The following ST3GAL4 variants were observed in gnomAD, a reference collection of about 807,000 sequenced individuals.
ST3GAL4 encodes the protein ST3 beta-galactoside alpha-2,3-sialyltransferase 4.
Under a neutral mutation model 42.6 loss-of-function variants are expected in ST3GAL4, and 24 were observed. The ratio of observed to expected loss-of-function variants is 0.56; its 90% CI spans 0.41 to 0.79. The LOEUF (loss-of-function observed/expected upper bound fraction) is 0.79. Ranked by LOEUF, ST3GAL4 falls within the 30% of genes least tolerant of loss-of-function variation. The probability of loss-of-function intolerance (pLI) is 0.00; values close to 1 mark genes in which losing one functional copy is unlikely to be tolerated. For missense variants in ST3GAL4, 311 were observed against 430.8 expected, an observed-to-expected ratio of 0.72 and a Z score of 2.46; for synonymous variants, 135 against 163.2, an observed-to-expected ratio of 0.83 and a Z score of 1.32.
rs1226449302 is a variant in ST3GAL4, at chr11:126,376,226, G to A, written c.-61+20384G>A. ...AGTTTCAGAGGTCCCAGGATAGTGG[G>A]CAATATTTGAAAGCCAGTAAATATA... On this transcript the variant is annotated intron_variant, in intron 1 of 10. Coordinates refer to ENST00000444328, the MANE Select transcript of ST3GAL4 (RefSeq NM_001254757.2). This position sits in a 1 kb window ranked among gnomAD's most constrained non-coding sequence, Gnocchi z 5.1. 3.3e-5 allele frequency among the ~76,000 whole-genome samples: 5 copies of A among 152,206 alleles called. No homozygotes were observed. The South Asian group carries it at 6.2e-4, about 19-fold the overall frequency.
Position 126,355,937 on chromosome 11 carries a change from C to T in ST3GAL4, c.-61+95C>T, listed in dbSNP as rs576523276. On this transcript the variant is annotated intron_variant, in intron 1 of 10. Coordinates refer to ENST00000444328, the MANE Select transcript of ST3GAL4 (RefSeq NM_001254757.2). The surrounding 1 kb of genome is among the most constrained non-coding windows in gnomAD (Gnocchi z 7.1). ...CCGCCTGACCCCAGCCGGCGCCGCG[C>T]CTCCCGGAGGGGGTCGGGCCCTGCA... 155 of 150,972 alleles carry T rather than the reference C, an allele frequency of 1.0e-3. No homozygotes were observed. The highest frequency in any genetic ancestry group is 3.7e-3 in the African/African-American group (152 of 41,442). 9.4% of individuals were successfully genotyped at this position (150,972 alleles called of 1,614,324 possible).
chr11:126,408,084 C>T lies in ST3GAL4; in HGVS notation c.342-15C>T, dbSNP rs1178809418. On this transcript the variant is annotated splice_polypyrimidine_tract_variant and intron_variant, in intron 6 of 10. Coordinates refer to ENST00000444328, the MANE Select transcript of ST3GAL4 (RefSeq NM_001254757.2). Reference sequence around the variant, plus strand: ...GAGTGTGGGGTGACATAGACCACTCCTCTTTCTATGGCAGCCTCAGGTGCC... The same window carrying T: ...GAGTGTGGGGTGACATAGACCACTCTTCTTTCTATGGCAGCCTCAGGTGCC... 2 of 1,613,006 alleles carry T rather than the reference C, an allele frequency of 1.2e-6. No individual in the cohort carries two copies. The highest frequency in any genetic ancestry group is 2.2e-5 in the South Asian group (2 of 90,966).
At chr11:126,413,024 C>A (rs1456178955) in intron 9 of ST3GAL4, among the ~76,000 whole-genome samples, 1 of 152,180 alleles carries the variant, frequency 6.6e-6, no homozygotes, top group Non-Finnish European at 1.5e-5. Context: ...CCCCAGGCCT[C>A]CCCCAGATGT....
chr11:126,406,364 T>G lies in ST3GAL4; in HGVS notation c.17-109T>G. On this transcript the variant is annotated intron_variant, in intron 2 of 10. Coordinates refer to ENST00000444328, the MANE Select transcript of ST3GAL4 (RefSeq NM_001254757.2). The surrounding 1 kb of genome is among the most constrained non-coding windows in gnomAD (Gnocchi z 5.4). ...GGCCAGGAGAGGGCCAGAGACTGCT[T>G]CTGTTGAGTTAGGGGTCGGAGGGAC... The G allele has an allele frequency of 6.3e-7, 1 of 1,578,316 alleles. No individual in the cohort carries two copies. The highest frequency in any genetic ancestry group is 8.6e-7 in the Non-Finnish European group (1 of 1,162,102).
rs1039118489 is a variant in ST3GAL4, at chr11:126,396,547, C to T, written c.-60-9549C>T. On this transcript the variant is annotated intron_variant, in intron 1 of 10. Coordinates refer to ENST00000444328, the MANE Select transcript of ST3GAL4 (RefSeq NM_001254757.2). This position sits in a 1 kb window ranked among gnomAD's most constrained non-coding sequence, Gnocchi z 5.8. ...TGGGGGCTAGAGACTGTGTCTCGTG[C>T]GGAAGCGTGGCTGAGAAGGGGCTCG... Among the ~76,000 whole-genome samples, 4 of 151,960 alleles carry T rather than the reference C, an allele frequency of 2.6e-5. No individual in the cohort carries two copies. The highest frequency in any genetic ancestry group is 2.1e-4 in the South Asian group (1 of 4,824).
In ST3GAL4 at chr11:126,409,153, C is replaced by T; in HGVS notation, c.628-115C>T. ...CTCCCTTTCCTCTCACCTTGTGCTC[C>T]TGAAGGCCTCTGCCATCGCTTGGAC... On this transcript the variant is annotated intron_variant, in intron 8 of 10. Transcript: ENST00000444328. This position sits in a 1 kb window ranked among gnomAD's most constrained non-coding sequence, Gnocchi z 4.9. The T allele has an allele frequency of 7.5e-7, 1 of 1,332,312 alleles. No individual in the cohort carries two copies. Among genetic ancestry groups the T allele is most frequent in the Non-Finnish European group, 1.1e-6 (1 of 951,964 alleles). The allele number at this position is 1,332,312 out of a possible 1,614,324, so 82.5% of individuals were successfully genotyped here.
At chr11:126,408,044 A>T in intron 6 of ST3GAL4, 55 bp from the exon 7 acceptor site, 1 of 1,578,160 alleles carries the variant, frequency 6.3e-7, no homozygotes, top group Non-Finnish European at 8.6e-7. Flanking sequence ...GATCCAGGGC[A>T]GCGAGCCTGG....
chr11:126,404,811 C>T (rs1383564906), intron 1 of ST3GAL4, among the ~76,000 whole-genome samples: 1 of 152,244 alleles, frequency 6.6e-6, no homozygotes, highest in Non-Finnish European at 1.5e-5. Flanking sequence ...TCTGATCCTT[C>T]AGTGTTTGTG....
chr11:126,371,114 T>C (rs1952622765), intron 1 of ST3GAL4, among the ~76,000 whole-genome samples: 1 of 149,876 alleles, frequency 6.7e-6, no homozygotes, highest in Admixed American at 6.7e-5. Flanking sequence ...ATTACAAGTA[T>C]AGAACTAAAG....
intron 1 of ST3GAL4, among the ~76,000 whole-genome samples, chr11:126,399,910 C>T (rs780318404): frequency 1.3e-5 from 2 of 152,142 alleles, no homozygotes; most frequent in African/African-American, 2.4e-5. Context: ...ATTTCTACCA[C>T]CATTCTGATC....
chr11:126,357,325 A>G (rs1591403042), intron 1 of ST3GAL4, among the ~76,000 whole-genome samples: 1 of 152,214 alleles, frequency 6.6e-6, no homozygotes, highest in East Asian at 1.9e-4. Flanking sequence ...CAGATCCCCC[A>G]GACTCCAAGA....
intron 1 of ST3GAL4, among the ~76,000 whole-genome samples, chr11:126,361,290 C>T (rs901222152): frequency 3.9e-5 from 6 of 152,028 alleles, no homozygotes; most frequent in African/African-American, 1.4e-4. Context: ...AACAGCTCCA[C>T]TTTTATTCCT....
Position 126,383,335 on chromosome 11 carries a change from G to C in ST3GAL4, c.-60-22761G>C. Among the ~76,000 whole-genome samples, 1 of 152,216 alleles carries C rather than the reference G, an allele frequency of 6.6e-6. No homozygotes were observed. Among genetic ancestry groups the C allele is most frequent in the East Asian group, 1.9e-4 (1 of 5,192 alleles). On this transcript the variant is annotated intron_variant, in intron 1 of 10. Coordinates refer to ENST00000444328, the MANE Select transcript of ST3GAL4 (RefSeq NM_001254757.2). The surrounding 1 kb of genome is among the most constrained non-coding windows in gnomAD (Gnocchi z 4.5). The stretch of plus-strand genomic sequence containing the variant: ...CCCTGCCCCTTAGAGGCTCTGGGCT[G>C]CCTGGTGACAGCTTCGGGGACCTGC...
chr11:126,412,589 C>T (rs143967883), intron 9 of ST3GAL4, among the ~76,000 whole-genome samples: 2 of 152,198 alleles, frequency 1.3e-5, no homozygotes. Flanking sequence ...CGCCTGTAAT[C>T]CCAGCGCTTT....
In ST3GAL4 at chr11:126,414,090, C is replaced by G; in HGVS notation, c.*43C>G. The G allele has an allele frequency of 6.3e-7, 1 of 1,599,356 alleles. No homozygotes were observed. The highest frequency in any genetic ancestry group is 1.1e-5 in the South Asian group (1 of 90,744). On this transcript the variant is annotated 3_prime_UTR_variant, in exon 11 of 11. Transcript: ENST00000444328. ...GCCTGTCGGTTGCCTACTCTGCTGT[C>G]TGGGTGACCCCCATGCGTGGCTGTG...
chr11:126,381,753 G>T (rs1953013393), intron 1 of ST3GAL4, among the ~76,000 whole-genome samples: 1 of 151,866 alleles, frequency 6.6e-6, no homozygotes, highest in South Asian at 2.1e-4. Context: ...GTGAGGTCAG[G>T]TATTGGGCTG....
chr11:126,408,659 G>A, intron 8 of ST3GAL4, 163 bp downstream of exon 8: 2 of 818,444 alleles, frequency 2.4e-6, no homozygotes, highest in East Asian at 2.7e-5. Context: ...CCCTCCAAGG[G>A]TGGTGCTCTG....
In ST3GAL4 at chr11:126,396,856, G is replaced by A. The variant is rs1351286927; in HGVS notation, c.-60-9240G>A. Among the ~76,000 whole-genome samples, 1 of 152,020 alleles carries A rather than the reference G, an allele frequency of 6.6e-6. No homozygotes were observed. Among genetic ancestry groups the A allele is most frequent in the Non-Finnish European group, 1.5e-5 (1 of 68,012 alleles). On this transcript the variant is annotated intron_variant, in intron 1 of 10. Transcript: ENST00000444328. The surrounding 1 kb of genome is among the most constrained non-coding windows in gnomAD (Gnocchi z 5.8). ...GCTCTACAATGGAGGTAATTATCGT[G>A]TTGAACTCACAGGGTCGAGATCATA...
intron 1 of ST3GAL4, among the ~76,000 whole-genome samples, chr11:126,368,198 G>A (rs1328043246): frequency 3.3e-5 from 5 of 150,098 alleles, no homozygotes; most frequent in Admixed American, 1.3e-4. Flanking sequence ...CCCCAGGGAT[G>A]ATTTTTAAAA....
Sources: gnomAD v4.1 joint callset for allele counts (sites outside exome capture counted in the v4.1 genomes callset) on GRCh38, gnomAD v4.1.1 for gene constraint, Gnocchi (gnomAD v3.1) non-coding constraint, MANE v1.5 for transcripts, NCBI Gene and HGNC (gene_info 2026-07-23, HGNC 2026-07-21) for gene names.